The following LRP12 variants were observed in gnomAD, a reference collection of about 807,000 sequenced individuals.
The protein encoded by LRP12 is LDL receptor related protein 12.
LRP12 carries 14 observed loss-of-function variants against 66.0 expected under a neutral mutation model. That is an observed-to-expected ratio of 0.21 (90% CI 0.14 to 0.33). The LOEUF is 0.33. Ranked by LOEUF, LRP12 falls within the 10% of genes least tolerant of loss-of-function variation. The pLI is 1.00. For synonymous variants in LRP12, 357 were observed against 359.1 expected, an observed-to-expected ratio of 0.99 and a Z score of 0.07; for missense variants, 889 against 1,053.4, an observed-to-expected ratio of 0.84 and a Z score of 2.16.
At chr8:104,574,457 G>A (rs1726220501) in intron 1 of LRP12, among the ~76,000 whole-genome samples, 1 of 152,152 alleles carries the variant, frequency 6.6e-6, no homozygotes, top group African/African-American at 2.4e-5. Flanking sequence ...GATGGCCATA[G>A]GGTTGTTTCT....
At chr8:104,572,919 C>G (rs1224016199) in intron 1 of LRP12, among the ~76,000 whole-genome samples, 1 of 152,108 alleles carries the variant, frequency 6.6e-6, no homozygotes, top group African/African-American at 2.4e-5. Context: ...AAAATAAAGA[C>G]CAGAGATAAA....
At chr8:104,558,697 T>C (rs1265577498) in intron 1 of LRP12, among the ~76,000 whole-genome samples, 1 of 151,424 alleles carries the variant, frequency 6.6e-6, no homozygotes, top group Non-Finnish European at 1.5e-5. Context: ...AAATCTTCCC[T>C]AACTATGCAT....
intron 1 of LRP12, among the ~76,000 whole-genome samples, chr8:104,554,493 T>G (rs142874815): frequency 4.6e-5 from 7 of 150,866 alleles, no homozygotes; most frequent in Non-Finnish European, 8.9e-5. Flanking sequence ...CATTGGAAAA[T>G]TGAAACAACA....
intron 3 of LRP12, chr8:104,505,779 G>A (rs548101188): frequency 6.6e-6 from 1 of 152,172 alleles, no homozygotes; most frequent in Admixed American, 6.5e-5. Context: ...TTTTTAATCA[G>A]TGGCTACCTT....
intron 1 of LRP12, among the ~76,000 whole-genome samples, chr8:104,548,207 AT>A (rs1564141899): frequency 2.1e-5 from 2 of 96,076 alleles, no homozygotes; most frequent in South Asian, 2.6e-4. Context: ...TATATGATAT[AT>A]TTATATTAAT....
chr8:104,516,364 G>A (rs1156543929), intron 2 of LRP12, among the ~76,000 whole-genome samples: 1 of 151,782 alleles, frequency 6.6e-6, no homozygotes, highest in African/African-American at 2.4e-5. Context: ...AAAAAAAAAG[G>A]CAATGACATT....
Position 104,552,764 on chromosome 8 carries a change from C to G in LRP12, c.80-20801G>C, listed in dbSNP as rs571119664. On this transcript the variant is annotated intron_variant, in intron 1 of 6. Transcript: ENST00000276654. ...GCAGGACTAACTTGCAGCTCCCACT[C>G]AGACAGACAGAGCAGTGTGTGGAGA... 2.1e-3 allele frequency among the ~76,000 whole-genome samples: 315 copies of G among 152,290 alleles called. 1 individual carries two copies. Among genetic ancestry groups the G allele is most frequent in the African/African-American group, 6.9e-3 (285 of 41,560 alleles).
intron 2 of LRP12, among the ~76,000 whole-genome samples, chr8:104,527,325 T>TTACTGGGTATATACCCAGTATA: frequency 6.7e-6 from 1 of 148,310 alleles, no homozygotes; most frequent in Middle Eastern, 3.4e-3. Flanking sequence ...AGCCATCCCA[T>TTACTGGGTATATACCCAGTATA]TACTGGGTAT....
At chr8:104,565,631 G>A (rs1008523257) in intron 1 of LRP12, among the ~76,000 whole-genome samples, 21 of 152,030 alleles carry the variant, frequency 1.4e-4, no homozygotes, top group African/African-American at 4.1e-4. Context: ...AGGCCAAGGC[G>A]GGTGGATCAA....
At chr8:104,570,227 A>G (rs1812058009) in intron 1 of LRP12, among the ~76,000 whole-genome samples, 1 of 152,216 alleles carries the variant, frequency 6.6e-6, no homozygotes, top group Non-Finnish European at 1.5e-5. Flanking sequence ...CTATAAATTT[A>G]ACATAGTATC....
intron 1 of LRP12, among the ~76,000 whole-genome samples, chr8:104,541,052 C>T (rs1490128114): frequency 6.6e-6 from 1 of 152,118 alleles, no homozygotes; most frequent in African/African-American, 2.4e-5. Context: ...CTTAATGGAC[C>T]TTTGGGAGTT....
intron 1 of LRP12, among the ~76,000 whole-genome samples, chr8:104,547,611 T>C (rs1323692005): frequency 3.2e-5 from 4 of 124,368 alleles, no homozygotes; most frequent in African/African-American, 1.3e-4. Flanking sequence ...ATTATTAATA[T>C]ATAATATATT....
intron 1 of LRP12, among the ~76,000 whole-genome samples, chr8:104,552,350 T>G (rs1037595699): frequency 6.7e-6 from 1 of 150,234 alleles, no homozygotes; most frequent in Non-Finnish European, 1.5e-5. Flanking sequence ...ATCTAATAAA[T>G]GTATAAATAT....
At chr8:104,566,757 T>A (rs1812010246) in intron 1 of LRP12, among the ~76,000 whole-genome samples, 1 of 152,152 alleles carries the variant, frequency 6.6e-6, no homozygotes, top group Non-Finnish European at 1.5e-5. Flanking sequence ...CTTCAATACG[T>A]TATTTAATTT....
At chr8:104,524,291 C>T (rs570461700) in intron 2 of LRP12, among the ~76,000 whole-genome samples, 19 of 148,296 alleles carry the variant, frequency 1.3e-4, no homozygotes, top group African/African-American at 4.5e-4. Context: ...ATATAACGTA[C>T]ATATATTTAA....
At chr8:104,508,880 T>C in intron 3 of LRP12, 59 bp downstream of exon 3, 2 of 1,458,304 alleles carry the variant, frequency 1.4e-6, no homozygotes, top group South Asian at 2.6e-5. Flanking sequence ...TAATAATAAA[T>C]GAAAATGGAA....
chr8:104,493,422 G>A (rs928731456), intron 6 of LRP12, among the ~76,000 whole-genome samples: 10 of 152,134 alleles, frequency 6.6e-5, no homozygotes, highest in African/African-American at 2.4e-4. Flanking sequence ...TCCCACGAGG[G>A]TACATATAAC....
At chr8:104,571,273 G>A (rs1460296242) in intron 1 of LRP12, among the ~76,000 whole-genome samples, 2 of 152,118 alleles carry the variant, frequency 1.3e-5, no homozygotes, top group Non-Finnish European at 1.5e-5. Context: ...AATGGGCCGT[G>A]GCCTATTAGG....
chr8:104,553,417 G>A (rs1489617669), intron 1 of LRP12, among the ~76,000 whole-genome samples: 3 of 152,066 alleles, frequency 2.0e-5, no homozygotes, highest in African/African-American at 7.2e-5. Flanking sequence ...CGGTGGGAGT[G>A]AAACCGGCCT....
Sources: gnomAD v4.1 joint callset for allele counts (sites outside exome capture counted in the v4.1 genomes callset) on GRCh38, gnomAD v4.1.1 for gene constraint, MANE v1.5 for transcripts, NCBI Gene and HGNC (gene_info 2026-07-23, HGNC 2026-07-21) for gene names.